RIC8B: variants seen among roughly 807,000 people sequenced by gnomAD.
RIC8B encodes RIC8 guanine nucleotide exchange factor B.
RIC8B carries 16 observed loss-of-function variants against 57.5 expected under a neutral mutation model. That is an observed-to-expected ratio of 0.28 (90% CI 0.19 to 0.42). The LOEUF (loss-of-function observed/expected upper bound fraction) is 0.42. RIC8B is among the 10% of genes least tolerant of loss of function. The probability of loss-of-function intolerance (pLI) is 1.00; values close to 1 mark genes in which losing one functional copy is unlikely to be tolerated. For missense variants in RIC8B, 481 were observed against 677.0 expected, an observed-to-expected ratio of 0.71 and a Z score of 3.21; for synonymous variants, 216 against 250.8, an observed-to-expected ratio of 0.86 and a Z score of 1.31.
intron 2 of RIC8B, among the ~76,000 whole-genome samples, chr12:106,789,177 C>T (rs1207687869): frequency 1.3e-5 from 2 of 152,208 alleles, no homozygotes; most frequent in Non-Finnish European, 2.9e-5. Context: ...CACCTTTGCT[C>T]CACTTGCAAC....
chr12:106,859,820 T>C (rs549212863), intron 7 of RIC8B, among the ~76,000 whole-genome samples: 1 of 152,308 alleles, frequency 6.6e-6, no homozygotes, highest in East Asian at 1.9e-4. Context: ...TATTTCTTAC[T>C]TCCTTTTCCT....
chr12:106,880,642 G>C (rs1263174552), intron 9 of RIC8B, among the ~76,000 whole-genome samples: 2 of 152,138 alleles, frequency 1.3e-5, no homozygotes, highest in Non-Finnish European at 2.9e-5. Context: ...TGAACTGTCA[G>C]AATGTCTGAT....
chr12:106,786,586 A>G (rs2044039672), intron 2 of RIC8B, among the ~76,000 whole-genome samples: 1 of 152,254 alleles, frequency 6.6e-6, no homozygotes, highest in Admixed American at 6.5e-5. Flanking sequence ...TCTTTCACCA[A>G]GAAGTGTCTC....
At chr12:106,839,544 T>C (rs1275385068) in intron 4 of RIC8B, among the ~76,000 whole-genome samples, 2 of 150,888 alleles carry the variant, frequency 1.3e-5, no homozygotes, top group African/African-American at 4.9e-5. Flanking sequence ...GGGAGAGGAG[T>C]AAATGGGGAG....
At chr12:106,818,788 T>C (rs2045705443) in intron 3 of RIC8B, among the ~76,000 whole-genome samples, 1 of 151,874 alleles carries the variant, frequency 6.6e-6, no homozygotes. Context: ...TTTTTTGAGA[T>C]GGAGTTTCCC....
intron 4 of RIC8B, among the ~76,000 whole-genome samples, chr12:106,838,071 G>A (rs188720920): frequency 5.5e-4 from 84 of 152,162 alleles, no homozygotes; most frequent in African/African-American, 1.8e-3. Context: ...TACCTGAGAG[G>A]TATTACCATA....
intron 2 of RIC8B, among the ~76,000 whole-genome samples, chr12:106,795,352 G>A (rs112177481): frequency 1.8e-4 from 28 of 152,228 alleles, no homozygotes; most frequent in African/African-American, 6.3e-4. Context: ...AGGAGTTTAG[G>A]AGCGGAGGTC....
chr12:106,799,321 G>T (rs1334467113), intron 2 of RIC8B, among the ~76,000 whole-genome samples: 1 of 152,140 alleles, frequency 6.6e-6, no homozygotes, highest in Non-Finnish European at 1.5e-5. Context: ...GATGTAATGT[G>T]CATCAACCTC....
At chr12:106,803,939 T>C (rs535991124) in intron 2 of RIC8B, among the ~76,000 whole-genome samples, 33 of 152,328 alleles carry the variant, frequency 2.2e-4, no homozygotes, top group Non-Finnish European at 3.8e-4. Flanking sequence ...GAAGGAGTAT[T>C]ATCCCCGTTT....
intron 4 of RIC8B, among the ~76,000 whole-genome samples, chr12:106,831,523 TA>T (rs1222821698): frequency 6.6e-6 from 1 of 152,214 alleles, no homozygotes; most frequent in Non-Finnish European, 1.5e-5. Flanking sequence ...ACTTAGTTTT[TA>T]TTATGGATAT....
chr12:106,807,653 A>C (rs1330982660), intron 2 of RIC8B, among the ~76,000 whole-genome samples: 1 of 152,246 alleles, frequency 6.6e-6, no homozygotes, highest in Non-Finnish European at 1.5e-5. Context: ...GCCTTGCCAC[A>C]GTTGTTACTG....
chr12:106,814,639 T>C (rs2045489300), intron 2 of RIC8B, 57 bp from the exon 3 acceptor site: 4 of 1,506,522 alleles, frequency 2.7e-6, no homozygotes, highest in Non-Finnish European at 3.6e-6. Context: ...AGAAACATTC[T>C]GTGTTAAGTC....
intron 2 of RIC8B, among the ~76,000 whole-genome samples, chr12:106,795,893 T>A (rs549794348): frequency 7.9e-5 from 12 of 152,336 alleles, no homozygotes; most frequent in Middle Eastern, 6.8e-3. Flanking sequence ...AGTATAAATC[T>A]GGAGCTGTTT....
chr12:106,837,288 G>T (rs988690690), intron 4 of RIC8B, among the ~76,000 whole-genome samples: 4 of 152,100 alleles, frequency 2.6e-5, no homozygotes, highest in South Asian at 2.1e-4. Flanking sequence ...CTTGAACCCA[G>T]GAGGCGGAGG....
chr12:106,778,363 C>T (rs1396616629), intron 1 of RIC8B, among the ~76,000 whole-genome samples: 2 of 152,136 alleles, frequency 1.3e-5, no homozygotes, highest in African/African-American at 4.8e-5. Flanking sequence ...GTATCTATCC[C>T]AGAAAGAATG....
intron 4 of RIC8B, among the ~76,000 whole-genome samples, chr12:106,827,068 C>T (rs535167779): frequency 6.6e-6 from 1 of 152,318 alleles, no homozygotes; most frequent in East Asian, 1.9e-4. Flanking sequence ...AAGCGAGACC[C>T]TGTCTCAAAT....
chr12:106,810,933 A>G (rs145729271), intron 2 of RIC8B, among the ~76,000 whole-genome samples: 488 of 152,330 alleles, frequency 3.2e-3, no homozygotes, highest in Middle Eastern at 0.01. Context: ...CAAGGCCACA[A>G]TTGTTCAGAA....
intron 2 of RIC8B, among the ~76,000 whole-genome samples, chr12:106,791,097 T>A (rs1159048537): frequency 6.6e-6 from 1 of 152,238 alleles, no homozygotes; most frequent in African/African-American, 2.4e-5. Flanking sequence ...TTGTGTTCTA[T>A]ATTATTTTAG....
At chr12:106,823,314 G>A in intron 3 of RIC8B, 1 of 394,650 alleles carries the variant, frequency 2.5e-6, no homozygotes, top group Non-Finnish European at 5.2e-6. Flanking sequence ...GCAAAGAGCA[G>A]AGGCAAACAA....
Sources: allele counts gnomAD v4.1 joint callset (sites outside exome capture counted in the v4.1 genomes callset), GRCh38; gene constraint gnomAD v4.1.1; transcripts MANE v1.5; gene names NCBI Gene and HGNC (gene_info 2026-07-23, HGNC 2026-07-21).